The following ZNF804A variants were observed in gnomAD, a reference collection of about 807,000 sequenced individuals.
ZNF804A encodes zinc finger protein 804A.
In ZNF804A, 2 loss-of-function variants were observed where a neutral mutation model predicts 16.5. The observed-to-expected ratio is 0.12, with a 90% confidence interval of 0.05 to 0.38. The LOEUF is 0.38. Among genes scored for constraint, ZNF804A ranks in the 10% least tolerant of loss-of-function variants. The probability of loss-of-function intolerance (pLI) is 0.99; values close to 1 mark genes in which losing one functional copy is unlikely to be tolerated. For missense variants in ZNF804A, 1,473 were observed against 1,390.7 expected, an observed-to-expected ratio of 1.06 and a Z score of -0.94; for synonymous variants, 534 against 489.6, an observed-to-expected ratio of 1.09 and a Z score of -1.20.
intron 1 of ZNF804A, among the ~76,000 whole-genome samples, chr2:184,613,328 T>C (rs541336796): frequency 6.6e-6 from 1 of 152,338 alleles, no homozygotes; most frequent in African/African-American, 2.4e-5. Flanking sequence ...CTACACACCA[T>C]GGTAGTAGAG....
chr2:184,740,948 G>A (rs1693701462), intron 1 of ZNF804A, among the ~76,000 whole-genome samples: 1 of 152,062 alleles, frequency 6.6e-6, no homozygotes, highest in Non-Finnish European at 1.5e-5. Context: ...GTAGTGCAAG[G>A]ATTAAATGAT....
chr2:184,757,940 GA>G (rs915748676), intron 1 of ZNF804A, among the ~76,000 whole-genome samples: 6 of 151,990 alleles, frequency 3.9e-5, no homozygotes, highest in African/African-American at 1.4e-4. Context: ...AAAAACTTGA[GA>G]AACCATTTGA....
At chr2:184,719,282 A>G (rs1301312764) in intron 1 of ZNF804A, among the ~76,000 whole-genome samples, 1 of 150,796 alleles carries the variant, frequency 6.6e-6, no homozygotes, top group African/African-American at 2.4e-5. Flanking sequence ...CACCCATGAA[A>G]CCATTTTTTT....
chr2:184,654,242 C>T (rs570579021), intron 1 of ZNF804A, among the ~76,000 whole-genome samples: 1 of 152,198 alleles, frequency 6.6e-6, no homozygotes, highest in Non-Finnish European at 1.5e-5. Flanking sequence ...AAGAAATGGG[C>T]AAGGCCTTAG....
intron 2 of ZNF804A, among the ~76,000 whole-genome samples, chr2:184,898,177 A>G (rs970820317): frequency 6.6e-6 from 1 of 152,160 alleles, no homozygotes; most frequent in African/African-American, 2.4e-5. Flanking sequence ...TTATTAATGT[A>G]TATACAGATA....
intron 2 of ZNF804A, among the ~76,000 whole-genome samples, chr2:184,927,516 A>G (rs1040703100): frequency 6.6e-6 from 1 of 152,132 alleles, no homozygotes; most frequent in African/African-American, 2.4e-5. Flanking sequence ...TCTTCACTCA[A>G]AGCCTTGGGG....
At chr2:184,682,505 A>T (rs1178957955) in intron 1 of ZNF804A, among the ~76,000 whole-genome samples, 1 of 152,078 alleles carries the variant, frequency 6.6e-6, no homozygotes, top group Non-Finnish European at 1.5e-5. Flanking sequence ...GAATTAATTC[A>T]TGTGGTAGAA....
intron 1 of ZNF804A, among the ~76,000 whole-genome samples, chr2:184,713,989 A>C (rs1369592429): frequency 6.6e-6 from 1 of 152,048 alleles, no homozygotes; most frequent in African/African-American, 2.4e-5. Flanking sequence ...TAGGCTATGC[A>C]ATAAGATTTT....
chr2:184,687,857 G>T (rs1034148560), intron 1 of ZNF804A, among the ~76,000 whole-genome samples: 1 of 152,144 alleles, frequency 6.6e-6, no homozygotes, highest in African/African-American at 2.4e-5. Context: ...GGTGGTTCAC[G>T]CCTGTAATCC....
intron 1 of ZNF804A, among the ~76,000 whole-genome samples, chr2:184,829,187 T>C (rs568781684): frequency 2.8e-4 from 42 of 151,890 alleles, no homozygotes; most frequent in Admixed American, 2.2e-3. Flanking sequence ...TCACTTATTA[T>C]ATAGAGTGCA....
At chr2:184,605,958 T>A (rs1350982505) in intron 1 of ZNF804A, among the ~76,000 whole-genome samples, 3 of 152,168 alleles carry the variant, frequency 2.0e-5, no homozygotes, top group Non-Finnish European at 2.9e-5. Context: ...CCTGAGGTAT[T>A]ACTCTGAATT....
At chr2:184,836,700 T>A (rs888607585) in intron 1 of ZNF804A, among the ~76,000 whole-genome samples, 7 of 151,502 alleles carry the variant, frequency 4.6e-5, no homozygotes, top group Admixed American at 1.3e-4. Context: ...TATATATATT[T>A]TTTTTTTATG....
chr2:184,839,129 G>C (rs1318300061), intron 1 of ZNF804A, among the ~76,000 whole-genome samples: 1 of 151,884 alleles, frequency 6.6e-6, no homozygotes, highest in Non-Finnish European at 1.5e-5. Flanking sequence ...GAAAGACAAA[G>C]AAAAATGTAA....
At chr2:184,651,545 A>G (rs941678903) in intron 1 of ZNF804A, among the ~76,000 whole-genome samples, 1 of 152,170 alleles carries the variant, frequency 6.6e-6, no homozygotes, top group Non-Finnish European at 1.5e-5. Context: ...TACACATCTG[A>G]CAAACATATC....
intron 1 of ZNF804A, among the ~76,000 whole-genome samples, chr2:184,619,496 C>T (rs1012693723): frequency 2.0e-5 from 3 of 151,844 alleles, no homozygotes; most frequent in Non-Finnish European, 4.4e-5. Context: ...GAAACAATTA[C>T]TGTAAGGCTA....
chr2:184,913,284 T>C (rs1685391811), intron 2 of ZNF804A, among the ~76,000 whole-genome samples: 3 of 152,316 alleles, frequency 2.0e-5, no homozygotes, highest in South Asian at 2.1e-4. Flanking sequence ...TAATGGCACA[T>C]AGGAATGAAA....
At chr2:184,668,228 T>C (rs1252842689) in intron 1 of ZNF804A, among the ~76,000 whole-genome samples, 2 of 151,918 alleles carry the variant, frequency 1.3e-5, no homozygotes, top group African/African-American at 2.4e-5. Context: ...GTGTTCAATG[T>C]GGCATGATTC....
At chr2:184,782,763 A>G (rs1001895653) in intron 1 of ZNF804A, among the ~76,000 whole-genome samples, 2 of 146,438 alleles carry the variant, frequency 1.4e-5, no homozygotes, top group African/African-American at 5.1e-5. Flanking sequence ...GTTTTCCAGT[A>G]AGGATTTTTT....
intron 1 of ZNF804A, among the ~76,000 whole-genome samples, chr2:184,718,776 C>T (rs557333371): frequency 6.6e-6 from 1 of 152,268 alleles, no homozygotes; most frequent in Non-Finnish European, 1.5e-5. Context: ...TATAGCCTCC[C>T]TCCTGGCTGC....
Sources: allele counts gnomAD v4.1 joint callset (sites outside exome capture counted in the v4.1 genomes callset), GRCh38; gene constraint gnomAD v4.1.1; transcripts MANE v1.5; gene names NCBI Gene and HGNC (gene_info 2026-07-23, HGNC 2026-07-21).